Variants in SEL1L3 observed in about 807,000 individuals in gnomAD.
SEL1L3 encodes the protein SEL1L family member 3, also known as protein sel-1 homolog 3.
In SEL1L3, 76 loss-of-function variants were observed where a neutral mutation model predicts 142.8. The observed-to-expected ratio is 0.53, with a 90% CI of 0.44 to 0.64. The LOEUF (loss-of-function observed/expected upper bound fraction) is 0.64. SEL1L3 is among the 30% of genes least tolerant of loss of function. The pLI, the probability that SEL1L3 is intolerant of heterozygous loss-of-function variation, is 0.00. For synonymous variants in SEL1L3, 504 were observed against 519.6 expected (o/e 0.97, Z 0.41); for missense variants, 1,262 against 1,381.7 (o/e 0.91, Z 1.37).
the SEL1L3 span, among the ~76,000 whole-genome samples, chr4:25,727,369 T>C: frequency 7.9e-5 from 12 of 152,304 alleles, no homozygotes; most frequent in Admixed American, 1.3e-4. Context: ...CCTCTTCTAA[T>C]AGGGCCATCC....
intron 20 of SEL1L3, among the ~76,000 whole-genome samples, chr4:25,762,866 C>T (rs1389364406): frequency 1.3e-5 from 2 of 151,814 alleles, no homozygotes; most frequent in East Asian, 1.9e-4. Context: ...GTCCTAGCTA[C>T]TCGGGAGGCT....
At chr4:25,735,010 T>G in the SEL1L3 span, among the ~76,000 whole-genome samples, 1 of 152,188 alleles carries the variant, frequency 6.6e-6, no homozygotes, top group African/African-American at 2.4e-5. Flanking sequence ...TCTGAGTTTG[T>G]GTACAGTTGG....
chr4:25,846,016 C>A (rs1461723373), intron 2 of SEL1L3, among the ~76,000 whole-genome samples: 1 of 152,194 alleles, frequency 6.6e-6, no homozygotes, highest in Non-Finnish European at 1.5e-5. Context: ...AGGACTGGGC[C>A]TAGGAATTTG....
intron 11 of SEL1L3, among the ~76,000 whole-genome samples, chr4:25,790,860 G>A (rs900798946): frequency 6.6e-5 from 10 of 152,234 alleles, no homozygotes; most frequent in East Asian, 1.9e-4. Flanking sequence ...ATATAAGCAC[G>A]CAAAAGACAT....
chr4:25,787,545 C>G (rs752668859), intron 13 of SEL1L3, among the ~76,000 whole-genome samples: 45 of 152,212 alleles, frequency 3.0e-4, no homozygotes, highest in Non-Finnish European at 5.7e-4. Context: ...GTCTTGAACT[C>G]CTGACCTTAG....
chr4:25,788,406 T>C lies in SEL1L3; in HGVS notation c.2077-42A>G, dbSNP rs116074043. ...ATTTAGAACAATGACTTTTCCTGTA[T>C]AATGCTTAACACAAGATTTTGAAAG... is the stretch of plus-strand genomic sequence containing the variant. On this transcript the variant is annotated intron_variant, in intron 12 of 23. Coordinates refer to ENST00000399878, the MANE Select transcript of SEL1L3 (RefSeq NM_015187.5). The surrounding 1 kb of genome is among the most constrained non-coding windows in gnomAD (Gnocchi z 5.3). 12,031 of 1,604,366 alleles carry C rather than the reference T, an allele frequency of 7.5e-3. 148 individuals are homozygous for C. The highest frequency in any genetic ancestry group is 0.043 in the South Asian group (3,895 of 90,416).
chr4:25,713,994 C>T, the SEL1L3 span, among the ~76,000 whole-genome samples: 4 of 152,004 alleles, frequency 2.6e-5, no homozygotes, highest in African/African-American at 9.7e-5. Flanking sequence ...TTATTTTTCC[C>T]ACACGTGAAC....
Position 25,748,540 on chromosome 4 carries a change from G to C in SEL1L3, c.3284C>G (p.Ser1095Cys). 2 of 1,611,386 alleles carry C rather than the reference G, an allele frequency of 1.2e-6. No homozygotes were observed. The highest frequency in any genetic ancestry group is 1.7e-6 in the Non-Finnish European group (2 of 1,179,010). ...CGTGGCAGTGTCTGGGGAGGCCTGGGATGGTCTTGGAGGGGGATCGCTTGC... is the reference window on the plus strand; with the variant it reads ...CGTGGCAGTGTCTGGGGAGGCCTGGCATGGTCTTGGAGGGGGATCGCTTGC... ...VSASDPPPRP[S>C]QASPDTATST... Residue 1095 changes from serine to cysteine, a missense_variant, in exon 24 of 24, where the codon TCC becomes TGC. Physicochemically the swap from Ser to Cys is moderately radical, Grantham distance 112. Coordinates refer to ENST00000399878, the MANE Select transcript of SEL1L3 (RefSeq NM_015187.5).
intron 16 of SEL1L3, among the ~76,000 whole-genome samples, chr4:25,776,902 AC>A (rs1429058544): frequency 1.9e-4 from 29 of 151,148 alleles, no homozygotes; most frequent in African/African-American, 4.9e-5. Context: ...AGGCACAAAA[AC>A]CCCCCCACAG....
At chr4:25,789,913 G>C (rs1712174980) in intron 12 of SEL1L3, among the ~76,000 whole-genome samples, 1 of 152,196 alleles carries the variant, frequency 6.6e-6, no homozygotes. Flanking sequence ...AAAGACAAGA[G>C]ATGTTCAAGA....
intron 23 of SEL1L3, among the ~76,000 whole-genome samples, chr4:25,751,761 A>C (rs887794298): frequency 1.3e-5 from 2 of 151,606 alleles, no homozygotes; most frequent in Non-Finnish European, 1.5e-5. Context: ...GTATCAATTG[A>C]GCTATCTTGG....
chr4:25,790,942 A>G (rs574468380), intron 11 of SEL1L3, among the ~76,000 whole-genome samples: 1 of 152,384 alleles, frequency 6.6e-6, no homozygotes, highest in East Asian at 1.9e-4. Flanking sequence ...TGTGCCTACA[A>G]TGACATAAGG....
the SEL1L3 span, among the ~76,000 whole-genome samples, chr4:25,722,624 C>CA: frequency 9.6e-6 from 1 of 103,656 alleles, no homozygotes; most frequent in Non-Finnish European, 2.2e-5. Flanking sequence ...CCAAAGGAGG[C>CA]TTTTTTTTTT....
chr4:25,795,401 G>A (rs1199788726), intron 11 of SEL1L3, among the ~76,000 whole-genome samples: 4 of 152,140 alleles, frequency 2.6e-5, no homozygotes, highest in Non-Finnish European at 5.9e-5. Flanking sequence ...AAAGCCTTAG[G>A]TTGTGGGGAT....
upstream of SEL1L3, chr4:25,863,446 T>G (rs1717895208): frequency 1.4e-6 from 1 of 700,244 alleles, no homozygotes; most frequent in African/African-American, 1.8e-5. Flanking sequence ...CTTTTGCGGG[T>G]CGCACAGACC....
chr4:25,733,915 A>G, the SEL1L3 span, among the ~76,000 whole-genome samples: 1 of 152,146 alleles, frequency 6.6e-6, no homozygotes, highest in East Asian at 1.9e-4. Context: ...GGAAGTGTTC[A>G]GTTTGTTGCC....
intron 9 of SEL1L3, among the ~76,000 whole-genome samples, chr4:25,814,614 G>A (rs1013564200): frequency 1.3e-5 from 2 of 152,108 alleles, no homozygotes; most frequent in African/African-American, 4.8e-5. Context: ...TCTGAAGCCC[G>A]CCGGAGCCAG....
intron 13 of SEL1L3, among the ~76,000 whole-genome samples, chr4:25,787,943 C>T (rs571800448): frequency 3.3e-5 from 5 of 152,202 alleles, no homozygotes; most frequent in Non-Finnish European, 5.9e-5. Flanking sequence ...GGCGGCTGAG[C>T]GCCAATCAAT....
At chr4:25,861,630 C>CTTT (rs143198162) in intron 1 of SEL1L3, among the ~76,000 whole-genome samples, 12 of 135,460 alleles carry the variant, frequency 8.9e-5, no homozygotes, top group South Asian at 2.3e-4. Flanking sequence ...TGACACTGCT[C>CTTT]TTTTTTTTTT....
Sources: allele counts gnomAD v4.1 joint callset (sites outside exome capture counted in the v4.1 genomes callset), GRCh38; gene constraint gnomAD v4.1.1; non-coding constraint Gnocchi (gnomAD v3.1); transcripts MANE v1.5; gene names NCBI Gene and HGNC (gene_info 2026-07-23, HGNC 2026-07-21).